Variants in HECW1 observed in about 807,000 individuals in gnomAD.
The protein encoded by HECW1 is E3 ubiquitin-protein ligase HECW1.
A neutral mutation model predicts 182.3 loss-of-function variants in HECW1; 61 were observed. The observed-to-expected ratio is 0.33, with a 90% CI of 0.27 to 0.41. The LOEUF (loss-of-function observed/expected upper bound fraction) is 0.41, where lower values mean the gene tolerates loss of function less well. HECW1 is among the 10% of genes least tolerant of loss of function. The pLI is 1.00. For missense variants in HECW1, 1,739 were observed against 2,108.9 expected (o/e 0.82, Z 3.44); for synonymous variants, 859 against 832.6 (o/e 1.03, Z -0.55).
intron 7 of HECW1, among the ~76,000 whole-genome samples, chr7:43,404,654 T>C (rs1299833162): frequency 6.6e-6 from 1 of 152,172 alleles, no homozygotes; most frequent in African/African-American, 2.4e-5. Context: ...TTGACATTTT[T>C]ATAAAAAGAC....
chr7:43,544,424 C>A (rs929937565), intron 26 of HECW1, among the ~76,000 whole-genome samples: 7 of 152,190 alleles, frequency 4.6e-5, no homozygotes, highest in African/African-American at 9.7e-5. Flanking sequence ...TAGTGAGATA[C>A]CATTTTCCCT....
At position 43,196,356 on chromosome 7, in the gene HECW1, C is replaced by A. The variant is rs1794459916; in HGVS notation, c.-31-47519C>A. Among the ~76,000 whole-genome samples, 3 of 152,174 alleles carry A rather than the reference C, an allele frequency of 2.0e-5. No individual in the cohort carries two copies. In the South Asian group the frequency reaches 6.2e-4, roughly 32 times the overall value. On this transcript the variant is annotated intron_variant, in intron 2 of 29. Coordinates refer to ENST00000395891, the MANE Select transcript of HECW1 (RefSeq NM_015052.5). ...AAGGTAGGCACTGCCTCTATCTTTA[C>A]TTGATTTTATCTGAACCCAAATAGG...
At chr7:43,246,977 G>A (rs1249634896) in intron 3 of HECW1, among the ~76,000 whole-genome samples, 1 of 152,140 alleles carries the variant, frequency 6.6e-6, no homozygotes, top group Non-Finnish European at 1.5e-5. Context: ...GAGAGCCTGA[G>A]CACCCCTCCA....
chr7:43,416,339 T>G (rs1334558756), intron 8 of HECW1, among the ~76,000 whole-genome samples: 1 of 151,294 alleles, frequency 6.6e-6, no homozygotes, highest in African/African-American at 2.4e-5. Flanking sequence ...GTTAGGCTGC[T>G]CGGGGGTCAG....
At chr7:43,260,776 G>A (rs957863992) in intron 3 of HECW1, among the ~76,000 whole-genome samples, 16 of 152,206 alleles carry the variant, frequency 1.1e-4, no homozygotes, top group African/African-American at 3.4e-4. Flanking sequence ...GGACACAGGG[G>A]TATCAAGACT....
At chr7:43,217,733 T>C (rs927187481) in intron 2 of HECW1, among the ~76,000 whole-genome samples, 1 of 152,236 alleles carries the variant, frequency 6.6e-6, no homozygotes, top group Non-Finnish European at 1.5e-5. Flanking sequence ...TTCTTGGCCA[T>C]GTCCTTACAC....
chr7:43,535,185 A>G (rs913557542), intron 24 of HECW1, among the ~76,000 whole-genome samples: 4 of 152,228 alleles, frequency 2.6e-5, no homozygotes, highest in African/African-American at 9.6e-5. Flanking sequence ...AGTCAAGTCA[A>G]CAAACAGCAA....
At chr7:43,485,431 T>C (rs2078592795) in intron 17 of HECW1, among the ~76,000 whole-genome samples, 1 of 152,198 alleles carries the variant, frequency 6.6e-6, no homozygotes, top group South Asian at 2.1e-4. Flanking sequence ...TTAATTACAG[T>C]CATACATCAC....
intron 5 of HECW1, among the ~76,000 whole-genome samples, 200 bp from the exon 6 acceptor site, chr7:43,360,686 G>A (rs1268917023): frequency 6.6e-6 from 1 of 152,098 alleles, no homozygotes; most frequent in Non-Finnish European, 1.5e-5. Flanking sequence ...AAATGTTAAG[G>A]CCAGAACAAT....
chr7:43,386,607 C>T (rs552217731), intron 6 of HECW1, among the ~76,000 whole-genome samples: 1 of 152,200 alleles, frequency 6.6e-6, no homozygotes, highest in African/African-American at 2.4e-5. Flanking sequence ...TCCTGCCCCC[C>T]CTGCATGTTT....
At chr7:43,327,022 T>A (rs1810879457) in intron 5 of HECW1, among the ~76,000 whole-genome samples, 1 of 152,264 alleles carries the variant, frequency 6.6e-6, no homozygotes, top group South Asian at 2.1e-4. Flanking sequence ...TCACCAGGAC[T>A]GCTCTGCCTT....
rs189811694 is a variant in HECW1 at position 43,116,517 on chromosome 7, A to C, written c.-32+2126A>C. On this transcript the variant is annotated intron_variant, in intron 2 of 29. Coordinates refer to ENST00000395891, the MANE Select transcript of HECW1 (RefSeq NM_015052.5). Reference sequence around the variant, plus strand: ...TGCTTCTGAAATGACCTACAGTTAGACCAGAGACAACCATCCTTCCTGGGC... The same window carrying C: ...TGCTTCTGAAATGACCTACAGTTAGCCCAGAGACAACCATCCTTCCTGGGC... Among the ~76,000 whole-genome samples, 463 of 152,318 alleles carry C rather than the reference A, an allele frequency of 3.0e-3. 2 individuals carry two copies. Among genetic ancestry groups the C allele is most frequent in the Non-Finnish European group, 4.4e-3 (301 of 68,032 alleles).
In HECW1 at chr7:43,450,470, A is replaced by G. The variant is rs552708529; in HGVS notation, c.2399-358A>G. 1.2e-4 allele frequency among the ~76,000 whole-genome samples: 18 copies of G among 152,304 alleles called. No homozygotes were observed. In the South Asian group the frequency reaches 3.7e-3, roughly 32 times the overall value. On this transcript the variant is annotated intron_variant, in intron 11 of 29. Coordinates refer to ENST00000395891, the MANE Select transcript of HECW1 (RefSeq NM_015052.5). ...ATAAAACGCTGCATTTCCCTCAAAC[A>G]GGCCTATTTCCTCCACTGGGCTAAA...
chr7:43,463,931 G>A, intron 14 of HECW1, 132 bp downstream of exon 14: 1 of 1,001,072 alleles, frequency 1.0e-6, no homozygotes, highest in Non-Finnish European at 1.5e-6. Context: ...CCAGGGTGGA[G>A]GACAGAGGCA....
chr7:43,303,948 G>A (rs1480856264), intron 3 of HECW1, among the ~76,000 whole-genome samples: 2 of 152,216 alleles, frequency 1.3e-5, no homozygotes, highest in African/African-American at 2.4e-5. Context: ...CCCAGGGGCA[G>A]TATTTAATCT....
intron 3 of HECW1, among the ~76,000 whole-genome samples, chr7:43,251,204 G>T (rs1380900913): frequency 6.6e-6 from 1 of 152,212 alleles, no homozygotes; most frequent in African/African-American, 2.4e-5. Context: ...CACAGAAGCT[G>T]TCTGTCGAAG....
intron 3 of HECW1, among the ~76,000 whole-genome samples, chr7:43,255,320 C>T (rs374060432): frequency 2.6e-5 from 4 of 152,148 alleles, no homozygotes; most frequent in Admixed American, 6.5e-5. Context: ...TTATTCAGGC[C>T]GGGCCTGGTG....
chr7:43,300,931 C>T (rs544944151), intron 3 of HECW1, among the ~76,000 whole-genome samples: 5 of 152,290 alleles, frequency 3.3e-5, no homozygotes, highest in Admixed American at 2.0e-4. Context: ...ACTTCTGCCA[C>T]GGTGCCACTT....
At chr7:43,502,955 G>C (rs969905447) in intron 21 of HECW1, among the ~76,000 whole-genome samples, 3 of 152,152 alleles carry the variant, frequency 2.0e-5, no homozygotes, top group Non-Finnish European at 2.9e-5. Context: ...TCTGAGAAGG[G>C]ATGTCGCACT....
Sources: allele counts gnomAD v4.1 joint callset (sites outside exome capture counted in the v4.1 genomes callset), GRCh38; gene constraint gnomAD v4.1.1; transcripts MANE v1.5; gene names NCBI Gene and HGNC (gene_info 2026-07-23, HGNC 2026-07-21).